ACBD6: variants seen among roughly 807,000 people sequenced by gnomAD.
The protein encoded by ACBD6 is acyl-CoA-binding domain-containing protein 6.
A neutral mutation model predicts 37.2 loss-of-function variants in ACBD6; 28 were observed. The ratio of observed to expected loss-of-function variants is 0.75; its 90% CI spans 0.56 to 1.03. The LOEUF is 1.03. ACBD6 is among the 50% of genes least tolerant of loss of function. ACBD6 has a pLI of 0.00. For synonymous variants in ACBD6, 113 were observed against 126.8 expected, an observed-to-expected ratio of 0.89 and a Z score of 0.73; for missense variants, 340 against 337.4, an observed-to-expected ratio of 1.01 and a Z score of -0.06.
chr1:180,485,364 C>T (rs551053822), intron 3 of ACBD6, among the ~76,000 whole-genome samples: 2 of 152,034 alleles, frequency 1.3e-5, no homozygotes, highest in Non-Finnish European at 1.5e-5. Flanking sequence ...GTCAATGAGA[C>T]CTTAATTGGA....
Position 180,460,536 on chromosome 1 carries a change from T to A in ACBD6, c.385-30274A>T, listed in dbSNP as rs192135652. 1.7e-3 allele frequency among the ~76,000 whole-genome samples: 258 copies of A among 151,000 alleles called. 1 individual carries two copies. The highest frequency in any genetic ancestry group is 5.9e-3 in the African/African-American group (243 of 41,044). On this transcript the variant is annotated intron_variant, in intron 3 of 7. Transcript: ENST00000367595. ...CAGGTGCATTCAAGTCAGCAACAAG[T>A]CTGTACCCTCCCTGGGATGGAGCTC...
chr1:180,382,202 AAAC>A (rs1336413427), intron 6 of ACBD6, among the ~76,000 whole-genome samples: 1 of 151,992 alleles, frequency 6.6e-6, no homozygotes, highest in African/African-American at 2.4e-5. Context: ...CAGCAAAACT[AAAC>A]AAGAGACTAA....
rs145152367 is a variant in ACBD6 at position 180,273,758 on chromosome 1, G to A, written c.*1112+179C>T. 4.3e-3 allele frequency: 1,009 copies of A among 232,078 alleles called. 11 individuals are homozygous for A. The highest frequency in any genetic ancestry group is 0.022 in the African/African-American group (957 of 43,712). 14.4% of individuals were successfully genotyped at this position (232,078 alleles called of 1,614,324 possible). ...CTTCCCTGACCATATGGGCCTGCTTGCTTCCCAATCAACTAAACCAAGCCC... is the reference window on the plus strand; with the variant it reads ...CTTCCCTGACCATATGGGCCTGCTTACTTCCCAATCAACTAAACCAAGCCC... On this transcript the variant is annotated intron_variant, in intron 11 of 13. Coordinates refer to the ACBD6 transcript ENST00000642319.
chr1:180,371,023 T>G (rs1001204921), intron 6 of ACBD6, among the ~76,000 whole-genome samples: 6 of 152,078 alleles, frequency 3.9e-5, no homozygotes, highest in Admixed American at 3.9e-4. Flanking sequence ...AATGCCTTAA[T>G]TTTTTTCACT....
chr1:180,330,623 T>G (rs753736352), intron 6 of ACBD6, among the ~76,000 whole-genome samples: 3 of 152,166 alleles, frequency 2.0e-5, no homozygotes, highest in Non-Finnish European at 4.4e-5. Flanking sequence ...AGCAAACAAC[T>G]AAAAGGAAAA....
Position 180,319,240 on chromosome 1 carries a change from T to C in ACBD6, c.664-4518A>G, listed in dbSNP as rs115643614. 8.7e-3 allele frequency among the ~76,000 whole-genome samples: 1,320 copies of C among 152,346 alleles called. 22 individuals are homozygous for C. Among genetic ancestry groups the C allele is most frequent in the African/African-American group, 0.03 (1,246 of 41,570 alleles). On this transcript the variant is annotated intron_variant, in intron 6 of 7. Transcript: ENST00000367595. ...TTCTTGTAGGCAAGTACTACGTCTT[T>C]CATCCAGTGCCTAGCTCAGTGTCTT... is the stretch of plus-strand genomic sequence containing the variant.
chr1:180,452,708 A>C (rs12733492), intron 3 of ACBD6, among the ~76,000 whole-genome samples: 73,846 of 151,816 alleles, frequency 0.49, 20,781 homozygotes, highest in South Asian at 0.66. Context: ...TTCAATAGAC[A>C]CAACAAAAAA....
chr1:180,458,283 A>C (rs1376063170), intron 3 of ACBD6, among the ~76,000 whole-genome samples: 1 of 152,196 alleles, frequency 6.6e-6, no homozygotes, highest in Non-Finnish European at 1.5e-5. Context: ...ATGGGGCATA[A>C]TTTATGTTAA....
intron 3 of ACBD6, among the ~76,000 whole-genome samples, chr1:180,464,855 C>T (rs558058566): frequency 2.6e-5 from 4 of 152,002 alleles, no homozygotes; most frequent in African/African-American, 4.8e-5. Flanking sequence ...CCAATGGAAC[C>T]GAATAGAGAG....
At chr1:180,399,618 T>C (rs1025954129) in intron 5 of ACBD6, among the ~76,000 whole-genome samples, 3 of 152,336 alleles carry the variant, frequency 2.0e-5, no homozygotes, top group Admixed American at 2.0e-4. Context: ...TGAAAATGTA[T>C]TGTTGAGTTC....
intron 3 of ACBD6, among the ~76,000 whole-genome samples, chr1:180,476,147 G>C (rs1487274749): frequency 2.0e-5 from 3 of 152,174 alleles, no homozygotes; most frequent in African/African-American, 7.2e-5. Flanking sequence ...AAGACTAGAA[G>C]TTTATCCCCA....
chr1:180,478,587 C>T (rs2102067387), intron 3 of ACBD6, among the ~76,000 whole-genome samples: 1 of 151,784 alleles, frequency 6.6e-6, no homozygotes, highest in South Asian at 2.1e-4. Flanking sequence ...CTCCCAGGTT[C>T]AAGCAATTCT....
intron 3 of ACBD6, among the ~76,000 whole-genome samples, chr1:180,456,211 CA>C (rs753205587): frequency 0.055 from 5,901 of 106,694 alleles, 335 homozygotes; most frequent in African/African-American, 0.16. Flanking sequence ...GACACCATTT[CA>C]AAAAAAAAAA....
intron 7 of ACBD6, among the ~76,000 whole-genome samples, chr1:180,306,364 T>C (rs543131588): frequency 6.6e-6 from 1 of 152,242 alleles, no homozygotes; most frequent in Non-Finnish European, 1.5e-5. Flanking sequence ...TATATAAATT[T>C]TCTTAAGGAA....
intron 6 of ACBD6, among the ~76,000 whole-genome samples, chr1:180,335,365 T>G (rs1651664474): frequency 6.6e-6 from 1 of 152,114 alleles, no homozygotes; most frequent in Non-Finnish European, 1.5e-5. Flanking sequence ...TTCAACATTC[T>G]TAAAGAAAAG....
In ACBD6 at chr1:180,313,786, C is replaced by T. The variant is rs149438832; in HGVS notation, c.694+906G>A. 5.4e-3 allele frequency among the ~76,000 whole-genome samples: 823 copies of T among 152,260 alleles called. 6 individuals are homozygous for T. Among genetic ancestry groups the T allele is most frequent in the African/African-American group, 0.019 (777 of 41,546 alleles). Reference sequence around the variant, plus strand: ...ATTTGAGTGATCCTCCTGCCTCAGCCTCCTGGTAGCTGGGACTACAGACGT... The same window carrying T: ...ATTTGAGTGATCCTCCTGCCTCAGCTTCCTGGTAGCTGGGACTACAGACGT... On this transcript the variant is annotated intron_variant, in intron 7 of 7. Transcript: ENST00000367595.
At chr1:180,318,650 G>A (rs1322625558) in intron 6 of ACBD6, among the ~76,000 whole-genome samples, 7 of 152,096 alleles carry the variant, frequency 4.6e-5, no homozygotes, top group Non-Finnish European at 2.9e-5. Flanking sequence ...AATTTAAAAA[G>A]AGCAAACCCA....
At chr1:180,482,879 G>A (rs1651107819) in intron 3 of ACBD6, among the ~76,000 whole-genome samples, 1 of 152,116 alleles carries the variant, frequency 6.6e-6, no homozygotes, top group South Asian at 2.1e-4. Context: ...TGTGGGGCAA[G>A]GTACTTGTTC....
intron 6 of ACBD6, among the ~76,000 whole-genome samples, chr1:180,371,201 AAT>A (rs538563723): frequency 1.3e-5 from 2 of 151,478 alleles, no homozygotes; most frequent in Middle Eastern, 3.2e-3. Flanking sequence ...AAAGAGATCA[AAT>A]ATATATATAT....
Sources: allele counts gnomAD v4.1 joint callset (sites outside exome capture counted in the v4.1 genomes callset), GRCh38; gene constraint gnomAD v4.1.1; transcripts MANE v1.5; gene names NCBI Gene and HGNC (gene_info 2026-07-23, HGNC 2026-07-21).